MFHAS1: variants seen among roughly 807,000 people sequenced by gnomAD.
MFHAS1 encodes the protein malignant fibrous histiocytoma-amplified sequence 1.
MFHAS1 carries 50 observed loss-of-function variants against 70.4 expected under a neutral mutation model. The ratio of observed to expected loss-of-function variants is 0.71; its 90% CI spans 0.57 to 0.90. The LOEUF (loss-of-function observed/expected upper bound fraction) is 0.90. MFHAS1 is among the 40% of genes least tolerant of loss of function. The pLI, the probability that MFHAS1 is intolerant of heterozygous loss-of-function variation, is 0.00. For synonymous variants in MFHAS1, 952 were observed against 620.0 expected (o/e 1.54, Z -7.96); for missense variants, 1,795 against 1,347.6 (o/e 1.33, Z -5.20).
rs553206672 is a variant in MFHAS1 at position 8,784,358 on chromosome 8, G to C, written c.*1664C>G. 6.6e-6 allele frequency: 1 copy of C among 152,058 alleles called. No individual in the cohort carries two copies. The highest frequency in any genetic ancestry group is 2.1e-4 in the South Asian group (1 of 4,810). 9.4% of individuals were successfully genotyped at this position (152,058 alleles called of 1,614,324 possible). On this transcript the variant is annotated 3_prime_UTR_variant, in exon 3 of 3. Transcript: ENST00000276282. ...AAAGGATTCACCAGATTAATCTTGT[G>C]ACTGTGTTCTAAAAGAAAATGAAAT...
chr8:8,847,193 T>G (rs1808068477), intron 1 of MFHAS1, among the ~76,000 whole-genome samples: 1 of 152,198 alleles, frequency 6.6e-6, no homozygotes, highest in African/African-American at 2.4e-5. Flanking sequence ...TTGTTTTTTT[T>G]CTTTTGAGAC....
chr8:8,855,805 G>A (rs1458370683), intron 1 of MFHAS1, among the ~76,000 whole-genome samples: 7 of 152,154 alleles, frequency 4.6e-5, no homozygotes, highest in Admixed American at 2.6e-4. Context: ...GCAGTGAGCC[G>A]AGATCACGCC....
At chr8:8,800,225 C>G (rs556708890) in intron 1 of MFHAS1, among the ~76,000 whole-genome samples, 2 of 152,272 alleles carry the variant, frequency 1.3e-5, no homozygotes, top group South Asian at 4.2e-4. Flanking sequence ...ATTTGAGTTC[C>G]TTAACCAAAC....
chr8:8,814,742 G>C (rs1395094332), intron 1 of MFHAS1, among the ~76,000 whole-genome samples: 1 of 151,746 alleles, frequency 6.6e-6, no homozygotes, highest in Non-Finnish European at 1.5e-5. Context: ...CACCAAAGAA[G>C]GTAAACCGAT....
At chr8:8,861,700 C>T (rs1039423846) in intron 1 of MFHAS1, among the ~76,000 whole-genome samples, 10 of 152,318 alleles carry the variant, frequency 6.6e-5, no homozygotes, top group Middle Eastern at 3.4e-3. Context: ...CCCGTCACCA[C>T]AAAAAGGTTC....
chr8:8,869,722 G>A (rs536444594), intron 1 of MFHAS1, among the ~76,000 whole-genome samples: 16 of 152,164 alleles, frequency 1.1e-4, no homozygotes, highest in Non-Finnish European at 1.5e-4. Flanking sequence ...TCTTCTTCCC[G>A]CTGTGGTTAA....
intron 1 of MFHAS1, among the ~76,000 whole-genome samples, chr8:8,842,521 G>C (rs914918255): frequency 6.6e-6 from 1 of 152,002 alleles, no homozygotes; most frequent in Admixed American, 6.6e-5. Flanking sequence ...ACATTTCCTC[G>C]GTACACAGTA....
intron 1 of MFHAS1, among the ~76,000 whole-genome samples, chr8:8,812,346 T>C (rs765617067): frequency 2.0e-5 from 3 of 152,190 alleles, no homozygotes; most frequent in Non-Finnish European, 4.4e-5. Context: ...TCTTGGTTAC[T>C]TACACGGGCT....
intron 1 of MFHAS1, among the ~76,000 whole-genome samples, chr8:8,881,380 T>C (rs1338945676): frequency 6.6e-6 from 1 of 152,224 alleles, no homozygotes; most frequent in African/African-American, 2.4e-5. Flanking sequence ...CATGCAATCA[T>C]CTCTGCATTA....
In MFHAS1 at chr8:8,891,999, T is replaced by C. The variant is rs756427852; in HGVS notation, c.1060A>G (p.Ile354Val). 2 of 1,613,484 alleles carry C rather than the reference T, an allele frequency of 1.2e-6. No homozygotes were observed. Among genetic ancestry groups the C allele is most frequent in the Non-Finnish European group, 1.7e-6 (2 of 1,179,950 alleles). ...CCAAAGTGGTCGGGCAGCACCGCGA[T>C]CTGGTTCCCCTGCAGCACGAGCTCC... is the stretch of plus-strand genomic sequence containing the variant. ...LEELVLQGNQ[I>V]AVLPDHFGQL... The change falls in exon 1 of 3, where the codon ATC becomes GTC. Residue 354 changes from isoleucine to valine, a missense_variant. Ile to Val is a conservative substitution (Grantham distance 29, BLOSUM62 3). Coordinates refer to ENST00000276282, the MANE Select transcript of MFHAS1 (RefSeq NM_004225.3). This position sits in a 1 kb window ranked among gnomAD's most constrained non-coding sequence, Gnocchi z 5.4.
intron 1 of MFHAS1, 132 bp from the exon 2 acceptor site, chr8:8,797,623 C>T (rs553432187): frequency 8.8e-6 from 9 of 1,027,194 alleles, no homozygotes; most frequent in African/African-American, 1.6e-5. Context: ...GATGTGAGAA[C>T]AAATGTGCAA....
intron 2 of MFHAS1, among the ~76,000 whole-genome samples, chr8:8,789,687 G>T (rs754752545): frequency 6.6e-6 from 1 of 152,060 alleles, no homozygotes; most frequent in Non-Finnish European, 1.5e-5. Context: ...CCCCTCCTAG[G>T]ATTAGCCAAT....
intron 1 of MFHAS1, among the ~76,000 whole-genome samples, chr8:8,827,298 A>G (rs1585037950): frequency 6.6e-6 from 1 of 152,340 alleles, no homozygotes; most frequent in East Asian, 1.9e-4. Context: ...TTACAGGGTC[A>G]TTAGTGGAAT....
At chr8:8,806,898 T>G (rs953459280) in intron 1 of MFHAS1, among the ~76,000 whole-genome samples, 1 of 151,692 alleles carries the variant, frequency 6.6e-6, no homozygotes, top group African/African-American at 2.4e-5. Context: ...GAGGCAGAGG[T>G]TGCAGAGAGC....
chr8:8,823,385 C>T (rs946347763), intron 1 of MFHAS1, among the ~76,000 whole-genome samples: 1 of 152,100 alleles, frequency 6.6e-6, no homozygotes, highest in Non-Finnish European at 1.5e-5. Context: ...GAGCTGGACA[C>T]GGGGCCCCGC....
chr8:8,874,743 G>C (rs1243478767), intron 1 of MFHAS1, among the ~76,000 whole-genome samples: 2 of 151,954 alleles, frequency 1.3e-5, no homozygotes, highest in Non-Finnish European at 2.9e-5. Context: ...AGAAATCACA[G>C]AGGAAGCTAT....
chr8:8,824,385 C>T (rs1468701026), intron 1 of MFHAS1, among the ~76,000 whole-genome samples: 2 of 152,130 alleles, frequency 1.3e-5, no homozygotes, highest in Non-Finnish European at 2.9e-5. Flanking sequence ...AACCAGCCCT[C>T]ATTTAGCCTC....
chr8:8,840,098 G>A (rs535574097), intron 1 of MFHAS1, among the ~76,000 whole-genome samples: 18 of 151,868 alleles, frequency 1.2e-4, no homozygotes, highest in Admixed American at 7.2e-4. Context: ...ACATATCCAA[G>A]CACCTACTGT....
At position 8,831,571 on chromosome 8, in the gene MFHAS1, T is replaced by C. The variant is rs572242965; in HGVS notation, c.2999-34080A>G. ...TAATGTGAACAGACATATAGATCAA[T>C]AGAACAGAATAGAGTTCAGAAATAG... On this transcript the variant is annotated intron_variant, in intron 1 of 2. Transcript: ENST00000276282. 1.7e-4 allele frequency among the ~76,000 whole-genome samples: 26 copies of C among 151,248 alleles called. 1 individual carries two copies. The highest frequency in any genetic ancestry group is 6.6e-4 in the Admixed American group (10 of 15,194).
Sources: gnomAD v4.1 joint callset for allele counts (sites outside exome capture counted in the v4.1 genomes callset) on GRCh38, gnomAD v4.1.1 for gene constraint, Gnocchi (gnomAD v3.1) non-coding constraint, MANE v1.5 for transcripts, NCBI Gene and HGNC (gene_info 2026-07-23, HGNC 2026-07-21) for gene names.